Variants in PPARGC1A observed in about 807,000 individuals in gnomAD.
PPARGC1A encodes the protein PPARG coactivator 1 alpha.
A neutral mutation model predicts 88.7 loss-of-function variants in PPARGC1A; 25 were observed. The observed-to-expected ratio is 0.28, with a 90% CI of 0.21 to 0.39. PPARGC1A has a LOEUF of 0.39. Among genes scored for constraint, PPARGC1A ranks in the 10% least tolerant of loss-of-function variants. The pLI is 1.00. For missense variants in PPARGC1A, 880 were observed against 968.7 expected, an observed-to-expected ratio of 0.91 and a Z score of 1.22; for synonymous variants, 363 against 355.6, an observed-to-expected ratio of 1.02 and a Z score of -0.24.
chr4:23,820,765 A>T (rs1722870723), intron 7 of PPARGC1A: 1 of 206,990 alleles, frequency 4.8e-6, no homozygotes. Context: ...TTTCTCAAAG[A>T]CACTGCAGAT....
the PPARGC1A span, among the ~76,000 whole-genome samples, chr4:23,966,077 C>T: frequency 2.0e-5 from 3 of 152,108 alleles, no homozygotes; most frequent in Non-Finnish European, 2.9e-5. Context: ...TTAAACGCAC[C>T]GCACTGTATT....
chr4:24,319,718 C>T, the PPARGC1A span, among the ~76,000 whole-genome samples: 6 of 152,070 alleles, frequency 3.9e-5, no homozygotes, highest in African/African-American at 7.2e-5. Flanking sequence ...TCTGCAGTTA[C>T]GGCTAATGTT....
At chr4:24,245,612 T>C in the PPARGC1A span, among the ~76,000 whole-genome samples, 1 of 152,174 alleles carries the variant, frequency 6.6e-6, no homozygotes, top group Non-Finnish European at 1.5e-5. Context: ...GATTTACTCA[T>C]TTGCTGGTAC....
intron 2 of PPARGC1A, among the ~76,000 whole-genome samples, chr4:23,871,396 G>A (rs537194905): frequency 2.6e-5 from 4 of 152,296 alleles, no homozygotes; most frequent in Non-Finnish European, 4.4e-5. Context: ...CCTGGAATTG[G>A]GGACCAGCAA....
upstream of PPARGC1A, among the ~76,000 whole-genome samples, chr4:23,890,651 C>A (rs1353471811): frequency 7.6e-6 from 1 of 132,042 alleles, no homozygotes; most frequent in Non-Finnish European, 1.6e-5. Flanking sequence ...ACAAAATAGC[C>A]TGTATGTGTT....
the PPARGC1A span, among the ~76,000 whole-genome samples, chr4:23,993,818 C>T: frequency 6.6e-6 from 1 of 152,004 alleles, no homozygotes; most frequent in African/African-American, 2.4e-5. Flanking sequence ...AGAAAGCTTT[C>T]TTTTTTCCTA....
the PPARGC1A span, among the ~76,000 whole-genome samples, chr4:24,289,397 GC>G: frequency 1.3e-5 from 2 of 151,918 alleles, no homozygotes; most frequent in Non-Finnish European, 2.9e-5. Flanking sequence ...CCCAAGGTTG[GC>G]CCCTCTAACA....
the PPARGC1A span, among the ~76,000 whole-genome samples, chr4:24,372,561 G>A: frequency 1.7e-4 from 26 of 152,242 alleles, no homozygotes; most frequent in Admixed American, 3.3e-4. Context: ...ATCAGTAAAC[G>A]CTTTTGCCTT....
At chr4:24,341,094 A>C in the PPARGC1A span, among the ~76,000 whole-genome samples, 4 of 152,178 alleles carry the variant, frequency 2.6e-5, no homozygotes, top group African/African-American at 9.7e-5. Flanking sequence ...CAAAAATCTC[A>C]AGAAAATATA....
At chr4:23,855,462 A>T (rs1730025743) in intron 2 of PPARGC1A, among the ~76,000 whole-genome samples, 2 of 152,246 alleles carry the variant, frequency 1.3e-5, no homozygotes, top group Admixed American at 6.5e-5. Context: ...TAGCTAACTG[A>T]ACGCTCTCTT....
the PPARGC1A span, among the ~76,000 whole-genome samples, chr4:24,231,431 G>A: frequency 2.6e-5 from 4 of 152,138 alleles, no homozygotes; most frequent in Admixed American, 6.5e-5. Context: ...TCTCCAGTCC[G>A]GTCCAGTCTC....
the PPARGC1A span, among the ~76,000 whole-genome samples, chr4:23,926,770 T>C: frequency 3.3e-5 from 5 of 152,342 alleles, no homozygotes; most frequent in African/African-American, 9.6e-5. Context: ...CTTGAGGCCA[T>C]GTTAAGTCCT....
the PPARGC1A span, among the ~76,000 whole-genome samples, chr4:24,298,347 G>A: frequency 2.0e-5 from 3 of 152,222 alleles, no homozygotes; most frequent in South Asian, 2.1e-4. Flanking sequence ...ATGTAACCTC[G>A]GATAAGTTGC....
chr4:24,371,802 T>C, the PPARGC1A span, among the ~76,000 whole-genome samples: 5 of 125,864 alleles, frequency 4.0e-5, no homozygotes, highest in Admixed American at 2.3e-4. Flanking sequence ...AAAAAAAAAA[T>C]TGGGCAGGCA....
chr4:24,432,584 A>G, the PPARGC1A span, among the ~76,000 whole-genome samples: 3 of 152,220 alleles, frequency 2.0e-5, no homozygotes, highest in African/African-American at 7.2e-5. Flanking sequence ...CCCAGCATCC[A>G]GAGCGTGGTC....
At chr4:24,353,492 ACT>A in the PPARGC1A span, among the ~76,000 whole-genome samples, 1 of 152,110 alleles carries the variant, frequency 6.6e-6, no homozygotes, top group African/African-American at 2.4e-5. Context: ...TTTCTTGTTT[ACT>A]GTAGCGAAAG....
chr4:23,814,073 A>T lies in PPARGC1A; in HGVS notation c.1410T>A (p.Ser470Arg). ...AELNKHFGHP[S>R]QAVFDDEADK... ...CTGCTTCGTCGTCAAAAACAGCTTGACTGGGATGACCGAAGTGCTTGTTCA... is the reference window on the plus strand; with the variant it reads ...CTGCTTCGTCGTCAAAAACAGCTTGTCTGGGATGACCGAAGTGCTTGTTCA... Residue 470 changes from serine (S) to arginine (R), a missense_variant, in exon 8 of 13, where the codon AGT (serine) becomes AGA (arginine). Physicochemically the swap from Ser to Arg is moderately radical, Grantham distance 110. Coordinates refer to ENST00000264867, the MANE Select transcript of PPARGC1A (RefSeq NM_013261.5). The T allele has an allele frequency of 6.2e-7, 1 of 1,614,022 alleles. No homozygotes were observed. The highest frequency in any genetic ancestry group is 8.5e-7 in the Non-Finnish European group (1 of 1,179,960).
intron 2 of PPARGC1A, among the ~76,000 whole-genome samples, chr4:23,845,580 A>G (rs1453419821): frequency 2.6e-5 from 4 of 152,064 alleles, no homozygotes; most frequent in Non-Finnish European, 4.4e-5. Flanking sequence ...CTAGGGTGAA[A>G]GAGATCCAAG....
intron 2 of PPARGC1A, among the ~76,000 whole-genome samples, chr4:23,872,991 C>G (rs972158160): frequency 5.3e-5 from 8 of 151,888 alleles, no homozygotes; most frequent in Non-Finnish European, 7.4e-5. Flanking sequence ...GAGATAGAGA[C>G]CATCCTGGCT....
Sources: gnomAD v4.1 joint callset for allele counts (sites outside exome capture counted in the v4.1 genomes callset) on GRCh38, gnomAD v4.1.1 for gene constraint, MANE v1.5 for transcripts, NCBI Gene and HGNC (gene_info 2026-07-23, HGNC 2026-07-21) for gene names.